CCDC171: variants seen among roughly 807,000 people sequenced by gnomAD.
CCDC171 encodes the protein coiled-coil domain containing 171, also known as coiled-coil domain-containing protein 171.
Under a neutral mutation model 168.2 loss-of-function variants are expected in CCDC171, and 177 were observed. That is an observed-to-expected ratio of 1.05 (90% confidence interval 0.93 to 1.19). The LOEUF is 1.19. Among genes scored for constraint, CCDC171 ranks in the 50% most tolerant of loss-of-function variants. CCDC171 has a pLI of 0.00. For missense variants in CCDC171, 1,991 were observed against 1,539.0 expected (o/e 1.29, Z -4.91); for synonymous variants, 687 against 540.8 (o/e 1.27, Z -3.75).
intron 4 of CCDC171, among the ~76,000 whole-genome samples, chr9:15,583,725 T>C (rs2131323836): frequency 6.6e-6 from 1 of 152,206 alleles, no homozygotes; most frequent in East Asian, 1.9e-4. Flanking sequence ...AAATCACTAC[T>C]AATGAACTTT....
In CCDC171 at chr9:15,852,803, A is replaced by G. The variant is rs573731846; in HGVS notation, c.3468+3856A>G. Among the ~76,000 whole-genome samples, 7 of 151,578 alleles carry G rather than the reference A, an allele frequency of 4.6e-5. No homozygotes were observed. In the East Asian group the frequency reaches 5.8e-4, roughly 13 times the overall value. ...TTCATTTTTTTTATATGGCAATCCA[A>G]TTATTCCAGCACCATTTGTTGAAAA... On this transcript the variant is annotated intron_variant, in intron 23 of 25. Coordinates refer to ENST00000380701, the MANE Select transcript of CCDC171 (RefSeq NM_173550.4).
chr9:15,846,247 A>T (rs573668997), intron 21 of CCDC171, among the ~76,000 whole-genome samples: 1 of 152,146 alleles, frequency 6.6e-6, no homozygotes, highest in African/African-American at 2.4e-5. Context: ...TGGGTTTACC[A>T]TTTTCTTATA....
At chr9:15,677,416 C>G (rs1587906723) in intron 9 of CCDC171, among the ~76,000 whole-genome samples, 2 of 152,102 alleles carry the variant, frequency 1.3e-5, no homozygotes, top group Middle Eastern at 6.8e-3. Flanking sequence ...GTTGATTGCT[C>G]AGAGTAAGGT....
At chr9:15,952,782 A>G (rs1263165171) in intron 25 of CCDC171, among the ~76,000 whole-genome samples, 2 of 152,190 alleles carry the variant, frequency 1.3e-5, no homozygotes, top group Admixed American at 6.6e-5. Flanking sequence ...TGGTATTGAC[A>G]TCTTAAGAAT....
the CCDC171 span, among the ~76,000 whole-genome samples, chr9:16,086,948 T>A: frequency 5.3e-5 from 8 of 152,216 alleles, no homozygotes; most frequent in African/African-American, 9.7e-5. Context: ...TCTCATTGGT[T>A]TTAAAAACTT....
intron 11 of CCDC171, among the ~76,000 whole-genome samples, chr9:15,714,672 G>A (rs1334702621): frequency 4.6e-5 from 7 of 152,102 alleles, no homozygotes; most frequent in Non-Finnish European, 7.4e-5. Context: ...GTATTTTTTG[G>A]CACTATGTCA....
chr9:15,685,757 A>C (rs2050349792), intron 10 of CCDC171, among the ~76,000 whole-genome samples: 1 of 152,210 alleles, frequency 6.6e-6, no homozygotes, highest in Non-Finnish European at 1.5e-5. Context: ...TTGTTAGGAA[A>C]AAAAACTTGT....
intron 3 of CCDC171, among the ~76,000 whole-genome samples, chr9:16,017,789 A>T (rs1032924192): frequency 6.6e-6 from 1 of 152,232 alleles, no homozygotes; most frequent in Non-Finnish European, 1.5e-5. Context: ...CTAGCTTACA[A>T]ATATTTATTT....
At chr9:15,628,477 G>T (rs909963887) in intron 7 of CCDC171, among the ~76,000 whole-genome samples, 1 of 152,208 alleles carries the variant, frequency 6.6e-6, no homozygotes, top group Non-Finnish European at 1.5e-5. Flanking sequence ...GGCTAGGGGA[G>T]GGGCGGCTGC....
chr9:15,791,589 C>T (rs1290086591), intron 21 of CCDC171, among the ~76,000 whole-genome samples: 1 of 152,162 alleles, frequency 6.6e-6, no homozygotes, highest in African/African-American at 2.4e-5. Context: ...CCCTTTATTT[C>T]TTTCTCTTGC....
At chr9:16,003,059 T>G (rs919601376) in intron 3 of CCDC171, among the ~76,000 whole-genome samples, 16 of 152,328 alleles carry the variant, frequency 1.1e-4, no homozygotes, top group African/African-American at 3.6e-4. Flanking sequence ...GACTCTATAA[T>G]GTTCATACTG....
chr9:15,705,267 A>G (rs1038586548), intron 11 of CCDC171, among the ~76,000 whole-genome samples: 7 of 152,200 alleles, frequency 4.6e-5, no homozygotes, highest in African/African-American at 1.4e-4. Flanking sequence ...ATACTTCTGT[A>G]AAGCTGGACG....
chr9:16,024,552 G>A (rs960560732), intron 6 of CCDC171, among the ~76,000 whole-genome samples: 3 of 152,246 alleles, frequency 2.0e-5, no homozygotes, highest in Admixed American at 6.5e-5. Flanking sequence ...AGCCAGAGCA[G>A]ATGAGGCAGA....
intron 11 of CCDC171, among the ~76,000 whole-genome samples, chr9:15,709,264 G>A (rs2052476057): frequency 6.6e-6 from 1 of 152,148 alleles, no homozygotes; most frequent in African/African-American, 2.4e-5. Flanking sequence ...TAAGGAAGGA[G>A]TCTAAGGAAA....
chr9:15,793,713 C>G (rs1343287190), intron 21 of CCDC171, among the ~76,000 whole-genome samples: 2 of 151,752 alleles, frequency 1.3e-5, no homozygotes, highest in Non-Finnish European at 2.9e-5. Context: ...CAACACCTGG[C>G]TAAGTTTTAT....
chr9:15,685,754 G>GA (rs936381801), intron 10 of CCDC171, among the ~76,000 whole-genome samples: 2 of 151,744 alleles, frequency 1.3e-5, no homozygotes, highest in Non-Finnish European at 2.9e-5. Flanking sequence ...AATTTGTTAG[G>GA]AAAAAAAACT....
At chr9:15,720,996 C>G (rs187627612) in intron 11 of CCDC171, among the ~76,000 whole-genome samples, 1 of 152,136 alleles carries the variant, frequency 6.6e-6, no homozygotes, top group Non-Finnish European at 1.5e-5. Flanking sequence ...TTTTGAAATT[C>G]AACTTTTTGG....
chr9:15,687,679 C>A (rs1051030892), intron 10 of CCDC171, among the ~76,000 whole-genome samples: 1 of 152,058 alleles, frequency 6.6e-6, no homozygotes, highest in Non-Finnish European at 1.5e-5. Context: ...TTACTGAAAT[C>A]ATGAACGAAA....
At chr9:16,062,121 A>G (rs1476581692), downstream of CCDC171, among the ~76,000 whole-genome samples, 1 of 152,142 alleles carries the variant, frequency 6.6e-6, no homozygotes, top group African/African-American at 2.4e-5. Flanking sequence ...GTTGATGACC[A>G]CTAGGCTACA....
Sources: allele counts gnomAD v4.1 joint callset (sites outside exome capture counted in the v4.1 genomes callset), GRCh38; gene constraint gnomAD v4.1.1; transcripts MANE v1.5; gene names NCBI Gene and HGNC (gene_info 2026-07-23, HGNC 2026-07-21).